The following ERMP1 variants were observed in gnomAD, a reference collection of about 807,000 sequenced individuals.
The protein encoded by ERMP1 is Felix-ina.
ERMP1 carries 86 observed loss-of-function variants against 92.0 expected under a neutral mutation model. The ratio of observed to expected loss-of-function variants is 0.93; its 90% CI spans 0.79 to 1.12. The LOEUF (loss-of-function observed/expected upper bound fraction) is 1.12, where lower values mean the gene tolerates loss of function less well. Among genes scored for constraint, ERMP1 ranks in the 50% most tolerant of loss-of-function variants. The pLI is 0.00. For synonymous variants in ERMP1, 530 were observed against 412.8 expected (o/e 1.28, Z -3.44); for missense variants, 1,342 against 1,116.3 (o/e 1.20, Z -2.88).
rs1161297052 is a variant in ERMP1, at chr9:5,823,941, G to C, written c.829C>G (p.Leu277Val). Reference sequence around the variant, plus strand: ...TTCCCTCCTACACCTGCTGCCTCTAGGTTAATGAATGCACGAATCAAGCTA... The same window carrying C: ...TTCCCTCCTACACCTGCTGCCTCTACGTTAATGAATGCACGAATCAAGCTA... ...WASLIRAFIN[L>V]EAAGVGGKEL... is the part of the protein sequence containing the mutation. Residue 277 changes from leucine (L) to valine (V), a missense_variant, in exon 4 of 15, where the codon CTA becomes GTA. Physicochemically the swap from Leu to Val is conservative, Grantham distance 32. Transcript: ENST00000339450. 13 of 1,614,014 alleles carry C rather than the reference G, an allele frequency of 8.1e-6. No homozygotes were observed. Among genetic ancestry groups the C allele is most frequent in the Non-Finnish European group, 1.0e-5 (12 of 1,180,000 alleles).
intron 13 of ERMP1, among the ~76,000 whole-genome samples, chr9:5,794,003 C>T (rs145275240): frequency 6.6e-6 from 1 of 152,068 alleles, no homozygotes; most frequent in Non-Finnish European, 1.5e-5. Flanking sequence ...AAGCATACTG[C>T]TTGAAATGGA....
upstream of ERMP1, among the ~76,000 whole-genome samples, chr9:5,835,374 G>C (rs556212715): frequency 6.6e-6 from 1 of 152,302 alleles, no homozygotes; most frequent in African/African-American, 2.4e-5. Flanking sequence ...GTGTGTGTGT[G>C]TATAAAATGT....
chr9:5,799,080 T>C, intron 11 of ERMP1, 72 bp from the exon 12 acceptor site: 1 of 1,063,154 alleles, frequency 9.4e-7, no homozygotes. Context: ...ATTACAAAAA[T>C]GGAGTATGAC....
At chr9:5,817,004 T>C (rs772223628) in intron 4 of ERMP1, among the ~76,000 whole-genome samples, 5 of 151,274 alleles carry the variant, frequency 3.3e-5, no homozygotes, top group Non-Finnish European at 7.4e-5. Context: ...GTTCACACCA[T>C]TCTCCTGCCT....
At chr9:5,835,594 C>G (rs767553426), upstream of ERMP1, among the ~76,000 whole-genome samples, 5 of 152,138 alleles carry the variant, frequency 3.3e-5, no homozygotes, top group Non-Finnish European at 7.3e-5. Context: ...TCAGAGGCAA[C>G]GTCGAATAAG....
At chr9:5,789,049 T>TA (rs1828060808) in intron 13 of ERMP1, among the ~76,000 whole-genome samples, 1 of 151,918 alleles carries the variant, frequency 6.6e-6, no homozygotes, top group Non-Finnish European at 1.5e-5. Flanking sequence ...TCAGAAAAAA[T>TA]ATTCATTTGG....
chr9:5,854,662 A>T (rs1346926882), intron 6 of ERMP1, among the ~76,000 whole-genome samples: 1 of 152,060 alleles, frequency 6.6e-6, no homozygotes, highest in Non-Finnish European at 1.5e-5. Flanking sequence ...TGTAGCTGGG[A>T]CTACAGGCGT....
chr9:5,786,576 C>G lies in ERMP1; in HGVS notation c.*568G>C, dbSNP rs1482979939. On this transcript the variant is annotated 3_prime_UTR_variant, in exon 15 of 15. Coordinates refer to ENST00000339450, the MANE Select transcript of ERMP1 (RefSeq NM_024896.3). ...CAGGCCTCAGCACAGAGAGACAAAGCACATTTGAGAGGCTGCCTGAAGAAA... is the reference window on the plus strand; with the variant it reads ...CAGGCCTCAGCACAGAGAGACAAAGGACATTTGAGAGGCTGCCTGAAGAAA... The G allele has an allele frequency of 6.5e-6, 1 of 154,592 alleles. No homozygotes were observed. Among genetic ancestry groups the G allele is most frequent in the Non-Finnish European group, 1.4e-5 (1 of 69,628 alleles). 9.6% of individuals were successfully genotyped at this position (154,592 alleles called of 1,614,324 possible). A position where few individuals can be genotyped will look rare whatever the true frequency, so the allele number is the denominator to read the frequency against.
chr9:5,863,911 T>C (rs754652813), intron 5 of ERMP1, among the ~76,000 whole-genome samples: 2 of 152,240 alleles, frequency 1.3e-5, no homozygotes, highest in African/African-American at 4.8e-5. Context: ...GACTGAATAA[T>C]AGTTCAGTAG....
intron 4 of ERMP1, among the ~76,000 whole-genome samples, chr9:5,814,696 C>T (rs1488235951): frequency 2.0e-5 from 3 of 152,084 alleles, no homozygotes; most frequent in Admixed American, 6.6e-5. Flanking sequence ...TGCCACTGCA[C>T]TCCAGCCTGG....
At chr9:5,844,117 T>C (rs1394881748) in intron 6 of ERMP1, among the ~76,000 whole-genome samples, 1 of 152,116 alleles carries the variant, frequency 6.6e-6, no homozygotes, top group Non-Finnish European at 1.5e-5. Flanking sequence ...AAAAAATCTT[T>C]CCTCTTAAAA....
Position 5,812,186 on chromosome 9 carries a change from G to A in ERMP1, c.1053C>T (p.Tyr351=), listed in dbSNP as rs772129768. Residue 351 remains tyrosine, a synonymous_variant, in exon 6 of 15, where the codon TAC becomes TAT. Transcript: ENST00000339450. ...CTGTGTCATACTTGGTGTGATAAATGTATCCATTCTCAATAAAAGCTAAGT... is the reference window on the plus strand; with the variant it reads ...CTGTGTCATACTTGGTGTGATAAATATATCCATTCTCAATAAAAGCTAAGT... The part of the protein sequence containing the change: ...GIDLAFIENG[Y]IYHTKYDTAD... The A allele has an allele frequency of 1.9e-6, 3 of 1,607,012 alleles. No individual in the cohort carries two copies. In the Admixed American group the frequency reaches 5.1e-5, roughly 27 times the overall value.
Position 5,787,007 on chromosome 9 carries a change from G to T in ERMP1, c.*137C>A. ...CCCTTATAGTGCTTGGCCCTGAAAA[G>T]CGTTAACCCAGAAAGCTCTTTGAAC... On this transcript the variant is annotated 3_prime_UTR_variant, in exon 15 of 15. Transcript: ENST00000339450. 1 of 860,420 alleles carries T rather than the reference G, an allele frequency of 1.2e-6. No individual in the cohort carries two copies. Among genetic ancestry groups the T allele is most frequent in the Non-Finnish European group, 1.7e-6 (1 of 575,452 alleles). 53.3% of individuals were successfully genotyped at this position (860,420 alleles called of 1,614,324 possible).
chr9:5,813,662 A>G (rs757545169), intron 4 of ERMP1, among the ~76,000 whole-genome samples: 4 of 151,980 alleles, frequency 2.6e-5, no homozygotes, highest in Non-Finnish European at 4.4e-5. Context: ...AAATTTTCAG[A>G]TTAGGGATGC....
rs1419370370 is a variant in ERMP1, at chr9:5,830,794, T to C, written c.573A>G (p.Glu191=). 10 of 1,614,042 alleles carry C rather than the reference T, an allele frequency of 6.2e-6. No individual in the cohort carries two copies. The African/African-American group carries it at 1.3e-4, about 22-fold the overall frequency. The change falls in exon 2 of 15, where the codon GAA becomes GAG. Residue 191 remains glutamate (E), a synonymous_variant. Coordinates refer to ENST00000339450, the MANE Select transcript of ERMP1 (RefSeq NM_024896.3). ...DNITNVVVKL[E]PRDGAQHAVL... ...CAGCATGCTGGGCTCCATCTCTGGG[T>C]TCCAGCTTTACCACAACATTGGTGA... is the stretch of plus-strand genomic sequence containing the variant.
Position 5,809,686 on chromosome 9 carries a change from C to A in ERMP1, c.1548+325G>T, listed in dbSNP as rs547699432. Among the ~76,000 whole-genome samples the A allele has an allele frequency of 2.0e-5, 3 of 152,278 alleles. No homozygotes were observed. In the South Asian group the frequency reaches 6.2e-4, roughly 32 times the overall value. On this transcript the variant is annotated intron_variant, in intron 8 of 14. Transcript: ENST00000339450. The stretch of plus-strand genomic sequence containing the variant: ...TACACTCCAATGGAGAACAGATATT[C>A]AAATAACATAAATAAGTGGGTGAGC...
At position 5,831,689 on chromosome 9, in the gene ERMP1, G is replaced by T. The variant is rs73639527; in HGVS notation, c.339-661C>A. Among the ~76,000 whole-genome samples the T allele has an allele frequency of 5.8e-3, 876 of 152,276 alleles. 10 individuals are homozygous for T. Among genetic ancestry groups the T allele is most frequent in the African/African-American group, 0.019 (797 of 41,560 alleles). On this transcript the variant is annotated intron_variant, in intron 1 of 14. Transcript: ENST00000339450. ...TACTCCTGAACGTTACAGATTCTGG[G>T]TTAATGACTTTAAGTAGCAGAAACC...
chr9:5,855,951 G>A (rs1830368388), intron 6 of ERMP1: 2 of 264,314 alleles, frequency 7.6e-6, no homozygotes, highest in South Asian at 5.1e-5. Flanking sequence ...GGCAGCAACT[G>A]CTTCGATTTA....
At chr9:5,822,281 A>C (rs1829570869) in intron 4 of ERMP1, among the ~76,000 whole-genome samples, 1 of 152,122 alleles carries the variant, frequency 6.6e-6, no homozygotes, top group African/African-American at 2.4e-5. Context: ...ATAGATATAG[A>C]TATATCTCTA....
Sources: allele counts gnomAD v4.1 joint callset (sites outside exome capture counted in the v4.1 genomes callset), GRCh38; gene constraint gnomAD v4.1.1; transcripts MANE v1.5; gene names NCBI Gene and HGNC (gene_info 2026-07-23, HGNC 2026-07-21).